The following PAN3 variants were observed in gnomAD, a reference collection of about 807,000 sequenced individuals.
The protein encoded by PAN3 is poly(A) specific ribonuclease subunit PAN3, also known as PAN2-PAN3 deadenylation complex subunit PAN3.
Under a neutral mutation model 96.2 loss-of-function variants are expected in PAN3, and 19 were observed. The observed-to-expected ratio is 0.20, with a 90% confidence interval of 0.14 to 0.29. The LOEUF (loss-of-function observed/expected upper bound fraction) is 0.29. Ranked by LOEUF, PAN3 falls within the 10% of genes least tolerant of loss-of-function variation. The pLI is 1.00. For missense variants in PAN3, 882 were observed against 1,108.1 expected, an observed-to-expected ratio of 0.80 and a Z score of 2.90; for synonymous variants, 433 against 406.6, an observed-to-expected ratio of 1.06 and a Z score of -0.78.
intron 5 of PAN3, chr13:28,216,000 G>C (rs1040539531): frequency 8.8e-6 from 6 of 682,520 alleles, no homozygotes; most frequent in Admixed American, 2.2e-5. Flanking sequence ...GTAAAAGACT[G>C]GTTAAAGATA....
At chr13:28,198,046 G>C (rs1278973340) in intron 5 of PAN3, among the ~76,000 whole-genome samples, 1 of 152,036 alleles carries the variant, frequency 6.6e-6, no homozygotes, top group African/African-American at 2.4e-5. Context: ...GCCGAGGAAG[G>C]CGTATCACCT....
At chr13:28,166,484 C>T (rs1873554133) in intron 1 of PAN3, among the ~76,000 whole-genome samples, 1 of 152,242 alleles carries the variant, frequency 6.6e-6, no homozygotes, top group Non-Finnish European at 1.5e-5. Context: ...TAATGCAACT[C>T]TCACAGGTTG....
intron 5 of PAN3, chr13:28,215,511 A>G: frequency 1.5e-6 from 1 of 672,830 alleles, no homozygotes; most frequent in South Asian, 1.7e-5. Flanking sequence ...ATGACCCACG[A>G]ATGAAGGCAG....
At chr13:28,268,885 T>G (rs1886392243) in intron 12 of PAN3, among the ~76,000 whole-genome samples, 1 of 152,158 alleles carries the variant, frequency 6.6e-6, no homozygotes, top group African/African-American at 2.4e-5. Flanking sequence ...TAAAATCTGG[T>G]CATAGAATGT....
intron 6 of PAN3, among the ~76,000 whole-genome samples, chr13:28,252,357 G>A (rs947330130): frequency 2.0e-5 from 3 of 151,924 alleles, no homozygotes; most frequent in Non-Finnish European, 4.4e-5. Context: ...CTGGTTGGTT[G>A]TATTTAGGAA....
intron 6 of PAN3, among the ~76,000 whole-genome samples, chr13:28,238,075 C>T (rs191340782): frequency 1.3e-5 from 2 of 152,234 alleles, no homozygotes; most frequent in East Asian, 3.9e-4. Context: ...TTACAAAACC[C>T]CGAGGCACTG....
intron 17 of PAN3, among the ~76,000 whole-genome samples, chr13:28,286,434 T>C (rs182431704): frequency 3.3e-5 from 5 of 152,304 alleles, no homozygotes; most frequent in Middle Eastern, 3.4e-3. Flanking sequence ...CTGTTTGCTG[T>C]TTATAGAACC....
In PAN3 at chr13:28,294,587, G is replaced by A. The variant is rs958055602; in HGVS notation, c.*2065G>A. 6.6e-6 allele frequency: 1 copy of A among 152,582 alleles called. No individual in the cohort carries two copies. Among genetic ancestry groups the A allele is most frequent in the Admixed American group, 6.5e-5 (1 of 15,276 alleles). 9.5% of individuals were successfully genotyped at this position (152,582 alleles called of 1,614,324 possible). A position where few individuals can be genotyped will look rare whatever the true frequency, so the allele number is the denominator to read the frequency against. ...GGACCAATGTTTTGTGAAAGCTAAA[G>A]AGGGCAGGGGTTAAAATAGGGCTTG... On this transcript the variant is annotated 3_prime_UTR_variant, in exon 19 of 19. Coordinates refer to ENST00000380958, the MANE Select transcript of PAN3 (RefSeq NM_175854.8).
At chr13:28,255,438 G>C (rs1450048803) in intron 6 of PAN3, among the ~76,000 whole-genome samples, 1 of 151,904 alleles carries the variant, frequency 6.6e-6, no homozygotes, top group Non-Finnish European at 1.5e-5. Context: ...CATGTGACCT[G>C]GTCTTTTTTT....
intron 2 of PAN3, among the ~76,000 whole-genome samples, chr13:28,174,643 C>A (rs45439295): frequency 2.0e-4 from 31 of 152,188 alleles, no homozygotes; most frequent in Non-Finnish European, 3.7e-4. Flanking sequence ...ACTAATTTCA[C>A]TTGTGTATTT....
intron 1 of PAN3, among the ~76,000 whole-genome samples, chr13:28,169,928 T>C (rs1874087818): frequency 6.6e-6 from 1 of 152,004 alleles, no homozygotes; most frequent in African/African-American, 2.4e-5. Context: ...GCAGCTGTAA[T>C]CCCAGCTACT....
At chr13:28,183,766 C>G (rs1876106376) in intron 4 of PAN3, among the ~76,000 whole-genome samples, 1 of 152,172 alleles carries the variant, frequency 6.6e-6, no homozygotes, top group African/African-American at 2.4e-5. Flanking sequence ...ATCTTTGTGT[C>G]TTCAACTTAG....
intron 1 of PAN3, among the ~76,000 whole-genome samples, chr13:28,158,775 G>T (rs187511858): frequency 6.6e-6 from 1 of 152,148 alleles, no homozygotes; most frequent in Admixed American, 6.5e-5. Flanking sequence ...CTACTCAGGA[G>T]GCTGAGGCAG....
At chr13:28,256,720 T>C (rs1296797796) in intron 7 of PAN3, among the ~76,000 whole-genome samples, 181 bp downstream of exon 7, 1 of 152,226 alleles carries the variant, frequency 6.6e-6, no homozygotes. Context: ...AGTTCTGCCT[T>C]ACTAATAATT....
intron 1 of PAN3, among the ~76,000 whole-genome samples, chr13:28,155,848 T>C (rs552983108): frequency 2.6e-5 from 4 of 152,144 alleles, no homozygotes; most frequent in African/African-American, 7.2e-5. Flanking sequence ...GCATTCTAGG[T>C]AGATGAGAAA....
intron 12 of PAN3, 27 bp downstream of exon 12, chr13:28,267,428 A>G (rs1886270706): frequency 6.5e-7 from 1 of 1,532,086 alleles, no homozygotes; most frequent in Non-Finnish European, 9.0e-7. Context: ...GGCAAACTAT[A>G]TTTTGACTAA....
At chr13:28,278,784 C>A (rs548762637) in intron 15 of PAN3, among the ~76,000 whole-genome samples, 23 of 152,042 alleles carry the variant, frequency 1.5e-4, no homozygotes, top group Admixed American at 1.3e-3. Context: ...TTGCCAAAGT[C>A]ACATAGCCTG....
intron 6 of PAN3, among the ~76,000 whole-genome samples, chr13:28,231,793 T>G (rs923940053): frequency 6.6e-6 from 1 of 152,122 alleles, no homozygotes; most frequent in African/African-American, 2.4e-5. Flanking sequence ...TCCCAGCTAC[T>G]TGGGAGCTTG....
intron 15 of PAN3, among the ~76,000 whole-genome samples, chr13:28,279,202 A>C (rs1449262099): frequency 6.6e-6 from 1 of 151,890 alleles, no homozygotes; most frequent in Non-Finnish European, 1.5e-5. Flanking sequence ...AATGTGTAGT[A>C]TTTTCTGCCA....
Sources: gnomAD v4.1 joint callset for allele counts (sites outside exome capture counted in the v4.1 genomes callset) on GRCh38, gnomAD v4.1.1 for gene constraint, MANE v1.5 for transcripts, NCBI Gene and HGNC (gene_info 2026-07-23, HGNC 2026-07-21) for gene names.